The following UBAP1 variants were observed in gnomAD, a reference collection of about 807,000 sequenced individuals.
UBAP1 encodes the protein ubiquitin associated protein 1, also known as ubiquitin-associated protein 1.
Under a neutral mutation model 39.0 loss-of-function variants are expected in UBAP1, and 5 were observed. That is an observed-to-expected ratio of 0.13 (90% CI 0.07 to 0.27). The LOEUF (loss-of-function observed/expected upper bound fraction) is 0.27, where lower values mean the gene tolerates loss of function less well. UBAP1 is among the 10% of genes least tolerant of loss of function. The pLI is 1.00. For missense variants in UBAP1, 490 were observed against 608.1 expected (o/e 0.81, Z 2.04); for synonymous variants, 211 against 225.1 (o/e 0.94, Z 0.56).
chr9:34,251,170 T>C (rs1350047031), intron 6 of UBAP1, among the ~76,000 whole-genome samples: 1 of 152,192 alleles, frequency 6.6e-6, no homozygotes, highest in Admixed American at 6.5e-5. Context: ...GGGACTGGGC[T>C]GACTCCTGAA....
At chr9:34,229,996 T>G (rs1177981950) in intron 2 of UBAP1, among the ~76,000 whole-genome samples, 1 of 151,988 alleles carries the variant, frequency 6.6e-6, no homozygotes, top group African/African-American at 2.4e-5. Flanking sequence ...CACAGTACTT[T>G]TGTAGTTTTT....
At chr9:34,245,932 G>C (rs1229252500) in intron 4 of UBAP1, among the ~76,000 whole-genome samples, 2 of 151,780 alleles carry the variant, frequency 1.3e-5, no homozygotes, top group African/African-American at 4.8e-5. Context: ...CGAGGTGGGA[G>C]GATTGCTTGA....
At chr9:34,226,111 G>GTGTGTGTGTGTGTGTGTGTGTGTT in intron 2 of UBAP1, among the ~76,000 whole-genome samples, 1 of 80,100 alleles carries the variant, frequency 1.2e-5, no homozygotes, top group Admixed American at 1.5e-4. Context: ...TCTATTGTGT[G>GTGTGTGTGTGTGTGTGTGTGTGTT]TGTGTGTGTG....
chr9:34,231,608 CCT>C (rs950329323), intron 2 of UBAP1, among the ~76,000 whole-genome samples: 2 of 151,816 alleles, frequency 1.3e-5, no homozygotes, highest in Non-Finnish European at 2.9e-5. Context: ...ACATTTCTCC[CCT>C]GTTAAGGGAC....
chr9:34,242,833 G>T (rs1208216807), intron 4 of UBAP1, among the ~76,000 whole-genome samples: 2 of 152,122 alleles, frequency 1.3e-5, no homozygotes, highest in Non-Finnish European at 2.9e-5. Flanking sequence ...CCAGCTTACA[G>T]ATTTTTTAAT....
chr9:34,182,619 CTTT>C (rs1563880873), intron 1 of UBAP1, among the ~76,000 whole-genome samples: 24 of 28,986 alleles, frequency 8.3e-4, no homozygotes, highest in African/African-American at 2.2e-3. Flanking sequence ...TTCTTTCCTT[CTTT>C]CTTTCTTTCT....
rs562995476 is a variant in UBAP1 at position 34,228,246 on chromosome 9, A to G, written c.35-5970A>G. Among the ~76,000 whole-genome samples the G allele has an allele frequency of 3.8e-4, 57 of 151,854 alleles. No homozygotes were observed. The East Asian group carries it at 9.2e-3, about 25-fold the overall frequency. Reference sequence around the variant, plus strand: ...ATCCTGGCTAACACGGTGAAACCCCATCTCTACTAAAAATACAAAACATTA... The same window carrying G: ...ATCCTGGCTAACACGGTGAAACCCCGTCTCTACTAAAAATACAAAACATTA... On this transcript the variant is annotated intron_variant, in intron 2 of 6. Transcript: ENST00000297661.
intron 4 of UBAP1, among the ~76,000 whole-genome samples, chr9:34,248,500 T>C (rs536666727): frequency 1.6e-4 from 25 of 152,320 alleles, no homozygotes; most frequent in Non-Finnish European, 1.9e-4. Flanking sequence ...CTGTGGCTGT[T>C]GGTTTCTTTA....
rs1237699932 is a variant in UBAP1, at chr9:34,231,155, G to C, written c.35-3061G>C. Among the ~76,000 whole-genome samples, 4 of 151,372 alleles carry C rather than the reference G, an allele frequency of 2.6e-5. No individual in the cohort carries two copies. In the East Asian group the frequency reaches 5.8e-4, roughly 22 times the overall value. The stretch of plus-strand genomic sequence containing the variant: ...TGTGTGTGTGTGTGTGTGTGTGTGT[G>C]TGTGTGTGTGTGTGTGTGTGTTGGG... On this transcript the variant is annotated intron_variant, in intron 2 of 6. Coordinates refer to ENST00000297661, the MANE Select transcript of UBAP1 (RefSeq NM_016525.5).
At chr9:34,210,373 G>T (rs551368343) in intron 1 of UBAP1, among the ~76,000 whole-genome samples, 3 of 152,130 alleles carry the variant, frequency 2.0e-5, no homozygotes, top group African/African-American at 4.8e-5. Context: ...TCACAGTTAC[G>T]TTCTTAACTA....
chr9:34,184,093 T>C (rs1830242314), intron 1 of UBAP1, among the ~76,000 whole-genome samples: 1 of 152,052 alleles, frequency 6.6e-6, no homozygotes, highest in African/African-American at 2.4e-5. Context: ...AGGAAAAGTA[T>C]GTTCAATTAG....
intron 2 of UBAP1, among the ~76,000 whole-genome samples, chr9:34,228,639 C>G (rs1017865164): frequency 7.4e-6 from 1 of 135,774 alleles, no homozygotes; most frequent in South Asian, 2.7e-4. Context: ...GCGTGATTTT[C>G]GCTCACTGCC....
rs56012034 is a variant in UBAP1, at chr9:34,202,624, C to CGTGTGTGTGTGTGT, written c.-7-18243_-7-18230dup. On this transcript the variant is annotated intron_variant, in intron 1 of 6. Coordinates refer to ENST00000297661, the MANE Select transcript of UBAP1 (RefSeq NM_016525.5). ...ATGGGCCAGAAGCTGTAGACAGAAA[C>CGTGTGTGTGTGTGT]GTGTGTGTGTGTGTGTGTGTGTGTG... Among the ~76,000 whole-genome samples the CGTGTGTGTGTGTGT allele has an allele frequency of 1.6e-3, 172 of 107,354 alleles. 3 individuals carry two copies. Among genetic ancestry groups the CGTGTGTGTGTGTGT allele is most frequent in the African/African-American group, 4.8e-3 (123 of 25,538 alleles). The allele number at this position is 107,354 out of a possible 152,430, so 70.4% of individuals were successfully genotyped here.
Position 34,241,360 on chromosome 9 carries a change from C to T in UBAP1, c.335C>T (p.Thr112Ile). 1.3e-6 allele frequency: 2 copies of T among 1,543,752 alleles called. No homozygotes were observed. The highest frequency in any genetic ancestry group is 1.4e-5 in the African/African-American group (1 of 72,736). ...TTCTCCAAGACTCACAGTACAGCCA[C>T]AATGCCACCTCCTATTAACCCCATC... ...MSFSKTHSTATMPPPINPILA... is the reference protein window; with the variant it reads ...MSFSKTHSTAIMPPPINPILA... The change falls in exon 4 of 7, where the codon ACA (threonine) becomes ATA (isoleucine). Residue 112 changes from threonine to isoleucine, a missense_variant. By Grantham distance (89) the Thr-to-Ile change is moderately conservative. Coordinates refer to ENST00000297661, the MANE Select transcript of UBAP1 (RefSeq NM_016525.5).
intron 1 of UBAP1, among the ~76,000 whole-genome samples, chr9:34,192,878 T>C (rs1047720927): frequency 2.0e-5 from 3 of 147,166 alleles, no homozygotes; most frequent in Non-Finnish European, 3.0e-5. Context: ...TATAAAAATA[T>C]TAGTTCTTTA....
chr9:34,220,764 T>C, intron 1 of UBAP1, 144 bp from the exon 2 acceptor site: 2 of 568,818 alleles, frequency 3.5e-6, no homozygotes, highest in Non-Finnish European at 3.0e-6. Flanking sequence ...TGCCTGGATC[T>C]TTTTTTTGGA....
intron 1 of UBAP1, among the ~76,000 whole-genome samples, chr9:34,188,354 T>A (rs531400430): frequency 6.7e-6 from 1 of 150,174 alleles, no homozygotes; most frequent in Admixed American, 6.6e-5. Context: ...TTAGTTACCA[T>A]CAGATTTGAT....
At chr9:34,190,680 C>T (rs1259954293) in intron 1 of UBAP1, among the ~76,000 whole-genome samples, 1 of 143,816 alleles carries the variant, frequency 7.0e-6, no homozygotes, top group African/African-American at 2.6e-5. Flanking sequence ...GTTGCCCAGG[C>T]TGGAGTGCAG....
chr9:34,226,106 TGTGTGTG>T (rs1410207663), intron 2 of UBAP1, among the ~76,000 whole-genome samples: 5 of 35,856 alleles, frequency 1.4e-4, no homozygotes, highest in Non-Finnish European at 5.6e-5. Context: ...CCTACTCTAT[TGTGTGTG>T]TGTGTGTGTG....
Sources: gnomAD v4.1 joint callset for allele counts (sites outside exome capture counted in the v4.1 genomes callset) on GRCh38, gnomAD v4.1.1 for gene constraint, MANE v1.5 for transcripts, NCBI Gene and HGNC (gene_info 2026-07-23, HGNC 2026-07-21) for gene names.